EXOC6B: variants seen among roughly 807,000 people sequenced by gnomAD.
EXOC6B encodes exocyst complex component 6B.
Under a neutral mutation model 113.5 loss-of-function variants are expected in EXOC6B, and 54 were observed. The ratio of observed to expected loss-of-function variants is 0.48; its 90% confidence interval spans 0.38 to 0.60. The LOEUF is 0.60. Ranked by LOEUF, EXOC6B falls within the 20% of genes least tolerant of loss-of-function variation. The pLI is 0.00. For missense variants in EXOC6B, 797 were observed against 977.5 expected (o/e 0.82, Z 2.46); for synonymous variants, 357 against 339.0 (o/e 1.05, Z -0.58).
At chr2:72,514,954 GACACAC>G (rs57089571) in intron 9 of EXOC6B, 83 bp downstream of exon 9, 1,939 of 869,620 alleles carry the variant, frequency 2.2e-3, no homozygotes, top group Non-Finnish European at 2.5e-3. Context: ...CACACACACA[GACACAC>G]ACACACACAC....
At chr2:72,587,315 C>T (rs895857988) in intron 6 of EXOC6B, among the ~76,000 whole-genome samples, 9 of 152,022 alleles carry the variant, frequency 5.9e-5, no homozygotes, top group Non-Finnish European at 8.8e-5. Flanking sequence ...AATGCAGGAA[C>T]GGAAAATCAT....
chr2:72,355,906 A>C (rs1430135518), intron 19 of EXOC6B, among the ~76,000 whole-genome samples: 2 of 152,184 alleles, frequency 1.3e-5, no homozygotes, highest in African/African-American at 4.8e-5. Context: ...TATTGGGTTC[A>C]AACTTCCTCC....
intron 6 of EXOC6B, among the ~76,000 whole-genome samples, chr2:72,632,325 C>G (rs1458547051): frequency 6.6e-6 from 1 of 152,060 alleles, no homozygotes; most frequent in Non-Finnish European, 1.5e-5. Context: ...ATGAAAGAAG[C>G]TCTCTGAAAG....
intron 20 of EXOC6B, among the ~76,000 whole-genome samples, chr2:72,227,957 G>A (rs1681347763): frequency 6.6e-6 from 1 of 152,296 alleles, no homozygotes; most frequent in African/African-American, 2.4e-5. Context: ...GATGATGGAG[G>A]AAGAGTGATT....
rs1057033135 is a variant in EXOC6B at position 72,455,750 on chromosome 2, G to A, written c.1980+9410C>T. ...AATATATATTAATACCTACATACAG[G>A]TACATTAGAATATATACACCTACGT... On this transcript the variant is annotated intron_variant, in intron 18 of 21. Transcript: ENST00000272427. Among the ~76,000 whole-genome samples the A allele has an allele frequency of 3.9e-5, 6 of 151,924 alleles. No individual in the cohort carries two copies. The East Asian group carries it at 1.2e-3, about 29-fold the overall frequency.
intron 11 of EXOC6B, among the ~76,000 whole-genome samples, chr2:72,511,890 G>A (rs1700922309): frequency 6.6e-6 from 1 of 152,064 alleles, no homozygotes; most frequent in Non-Finnish European, 1.5e-5. Flanking sequence ...ATGGGTCATG[G>A]ATGATTTTTA....
intron 18 of EXOC6B, among the ~76,000 whole-genome samples, chr2:72,390,926 C>A: frequency 6.6e-6 from 1 of 152,174 alleles, no homozygotes; most frequent in East Asian, 1.9e-4. Context: ...TCAGCCAAAG[C>A]CTCAAAAGAA....
At chr2:72,663,201 G>A (rs1005476755) in intron 6 of EXOC6B, among the ~76,000 whole-genome samples, 4 of 152,096 alleles carry the variant, frequency 2.6e-5, no homozygotes, top group African/African-American at 9.7e-5. Context: ...ACAATAAAAA[G>A]GAATAAACTA....
At chr2:72,745,705 C>A in intron 1 of EXOC6B, among the ~76,000 whole-genome samples, 1 of 152,010 alleles carries the variant, frequency 6.6e-6, no homozygotes, top group East Asian at 1.9e-4. Context: ...AATTGTCTAC[C>A]AAAGGAAGAG....
chr2:72,739,646 T>C (rs2104807388), intron 2 of EXOC6B, among the ~76,000 whole-genome samples: 1 of 152,230 alleles, frequency 6.6e-6, no homozygotes, highest in African/African-American at 2.4e-5. Context: ...TTCATGGTTT[T>C]ATTTTTTACA....
At chr2:72,596,759 A>T in intron 6 of EXOC6B, among the ~76,000 whole-genome samples, 1 of 151,984 alleles carries the variant, frequency 6.6e-6, no homozygotes, top group Non-Finnish European at 1.5e-5. Flanking sequence ...TACAACAGAA[A>T]GAGCTATAAA....
At chr2:72,611,283 G>A (rs531344172) in intron 6 of EXOC6B, among the ~76,000 whole-genome samples, 1 of 151,696 alleles carries the variant, frequency 6.6e-6, no homozygotes, top group East Asian at 1.9e-4. Context: ...AGAATCACTT[G>A]AACCCAGGAG....
chr2:72,233,049 G>T (rs1251732336), intron 20 of EXOC6B, among the ~76,000 whole-genome samples: 1 of 151,148 alleles, frequency 6.6e-6, no homozygotes, highest in African/African-American at 2.4e-5. Context: ...CCCAGCCTGG[G>T]TGACAGAGTG....
chr2:72,818,129 G>C (rs1463966021), intron 1 of EXOC6B, among the ~76,000 whole-genome samples: 3 of 151,682 alleles, frequency 2.0e-5, no homozygotes, highest in African/African-American at 7.3e-5. Context: ...CCACCACCAC[G>C]CCAGGCTAAT....
intron 20 of EXOC6B, among the ~76,000 whole-genome samples, chr2:72,259,591 A>G (rs1364980350): frequency 1.3e-5 from 2 of 152,236 alleles, no homozygotes; most frequent in East Asian, 3.8e-4. Context: ...TTACTTTCAT[A>G]AGAAACTGCC....
At chr2:72,693,140 T>TC (rs2104597160) in intron 6 of EXOC6B, among the ~76,000 whole-genome samples, 1 of 152,256 alleles carries the variant, frequency 6.6e-6, no homozygotes, top group South Asian at 2.1e-4. Context: ...CCCTATATAT[T>TC]CCCTGCCCCC....
intron 18 of EXOC6B, among the ~76,000 whole-genome samples, chr2:72,398,516 G>C (rs995692314): frequency 1.3e-5 from 2 of 151,986 alleles, no homozygotes; most frequent in African/African-American, 4.8e-5. Context: ...GACTAACATG[G>C]TGAAACCCCG....
intron 6 of EXOC6B, among the ~76,000 whole-genome samples, chr2:72,707,554 C>T (rs1158756937): frequency 2.6e-5 from 4 of 152,000 alleles, no homozygotes; most frequent in East Asian, 3.9e-4. Flanking sequence ...GCTGGGATTA[C>T]AGGTGCCAGC....
chr2:72,264,965 A>G (rs1358032413), intron 20 of EXOC6B, among the ~76,000 whole-genome samples: 1 of 152,102 alleles, frequency 6.6e-6, no homozygotes, highest in African/African-American at 2.4e-5. Flanking sequence ...AATACAGTAC[A>G]TTGGTACCAC....
Sources: gnomAD v4.1 joint callset for allele counts (sites outside exome capture counted in the v4.1 genomes callset) on GRCh38, gnomAD v4.1.1 for gene constraint, MANE v1.5 for transcripts, NCBI Gene and HGNC (gene_info 2026-07-23, HGNC 2026-07-21) for gene names.